Variants in SASS6 observed in about 807,000 individuals in gnomAD.
SASS6 encodes the protein spindle assembly abnormal protein 6 homolog.
In SASS6, 59 loss-of-function variants were observed where a neutral mutation model predicts 94.9. The ratio of observed to expected loss-of-function variants is 0.62; its 90% CI spans 0.50 to 0.77. The LOEUF (loss-of-function observed/expected upper bound fraction) is 0.77. Ranked by LOEUF, SASS6 falls within the 30% of genes least tolerant of loss-of-function variation. The pLI is 0.00. For missense variants in SASS6, 698 were observed against 734.1 expected, an observed-to-expected ratio of 0.95 and a Z score of 0.57; for synonymous variants, 264 against 270.0, an observed-to-expected ratio of 0.98 and a Z score of 0.22.
intron 7 of SASS6, among the ~76,000 whole-genome samples, chr1:100,112,673 T>G: frequency 6.6e-6 from 1 of 152,194 alleles, no homozygotes; most frequent in East Asian, 1.9e-4. Context: ...TCAGTAATAA[T>G]AGAAGGCAGT....
intron 11 of SASS6, 43 bp from the exon 12 acceptor site, chr1:100,107,036 G>A (rs1570695694): frequency 1.2e-6 from 1 of 834,846 alleles, no homozygotes. Flanking sequence ...CAAAATAAAG[G>A]TTAAATAAAA....
chr1:100,128,541 A>G (rs901839535), intron 1 of SASS6, among the ~76,000 whole-genome samples: 1 of 152,240 alleles, frequency 6.6e-6, no homozygotes, highest in African/African-American at 2.4e-5. Context: ...AAGGCCTGTA[A>G]GTTAAACGAA....
intron 7 of SASS6, among the ~76,000 whole-genome samples, chr1:100,114,016 A>C (rs1394605305): frequency 1.3e-5 from 2 of 151,998 alleles, no homozygotes; most frequent in Non-Finnish European, 2.9e-5. Context: ...AAAAATAATA[A>C]ATTTTAAAAA....
intron 7 of SASS6, among the ~76,000 whole-genome samples, chr1:100,111,084 T>C (rs1451385610): frequency 6.6e-6 from 1 of 152,008 alleles, no homozygotes; most frequent in Non-Finnish European, 1.5e-5. Context: ...TAACTTTTGT[T>C]AACGAACACT....
intron 5 of SASS6, among the ~76,000 whole-genome samples, chr1:100,121,049 C>CA (rs781458509): frequency 0.075 from 3,520 of 47,236 alleles, 86 homozygotes; most frequent in Non-Finnish European, 0.089. Context: ...GACTCCGTCT[C>CA]AAAAAAAAAA....
At position 100,085,447 on chromosome 1, in the gene SASS6, A is replaced by C. The variant is rs1442288226; in HGVS notation, c.1868-13T>G. 5 of 1,592,826 alleles carry C rather than the reference A, an allele frequency of 3.1e-6. No homozygotes were observed. In the Admixed American group the frequency reaches 6.7e-5, roughly 21 times the overall value. The stretch of plus-strand genomic sequence containing the variant: ...TCTCTCTGATGGTCTGCAAATGAGG[A>C]CAAAAAAAGGTTACTGGTATTCATT... On this transcript the variant is annotated splice_polypyrimidine_tract_variant and intron_variant, in intron 16 of 16. Coordinates refer to ENST00000287482, the MANE Select transcript of SASS6 (RefSeq NM_194292.3).
At position 100,110,492 on chromosome 1, in the gene SASS6, C is replaced by A; in HGVS notation, c.670-9G>T. The A allele has an allele frequency of 1.3e-6, 2 of 1,487,054 alleles. No individual in the cohort carries two copies. The highest frequency in any genetic ancestry group is 2.1e-5 in the Admixed American group (1 of 46,634). The allele number at this position is 1,487,054 out of a possible 1,614,324, so 92.1% of individuals were successfully genotyped here. A position where few individuals can be genotyped will look rare whatever the true frequency, so the allele number is the denominator to read the frequency against. Reference sequence around the variant, plus strand: ...TGATATTGAACCTGTGCCTATGATACAATAAAAATACAGTACCAAAATTCA... The same window carrying A: ...TGATATTGAACCTGTGCCTATGATAAAATAAAAATACAGTACCAAAATTCA... On this transcript the variant is annotated splice_polypyrimidine_tract_variant and intron_variant, in intron 7 of 16. Coordinates refer to ENST00000287482, the MANE Select transcript of SASS6 (RefSeq NM_194292.3).
At chr1:100,086,029 T>C (rs961772248) in intron 15 of SASS6, among the ~76,000 whole-genome samples, 2 of 151,514 alleles carry the variant, frequency 1.3e-5, no homozygotes, top group Admixed American at 1.3e-4. Flanking sequence ...CGAAATTTTC[T>C]AGTGCTTCAA....
intron 7 of SASS6, among the ~76,000 whole-genome samples, chr1:100,113,735 C>T (rs568661199): frequency 9.8e-4 from 148 of 151,374 alleles, no homozygotes; most frequent in Non-Finnish European, 1.6e-3. Context: ...ACTAGTTCTT[C>T]GAAAACACTA....
rs1654591252 is a variant in SASS6 at position 100,125,994 on chromosome 1, A to G, written c.66-52T>C. The G allele has an allele frequency of 5.6e-6, 5 of 893,714 alleles. No homozygotes were observed. In the East Asian group the frequency reaches 1.1e-4, roughly 19 times the overall value. The allele number at this position is 893,714 out of a possible 1,614,324, so 55.4% of individuals were successfully genotyped here. ...CAGAAACATTCACACGAAATGAGTT[A>G]TCACTATCATTTGTATTAAGTTTTC... On this transcript the variant is annotated intron_variant, in intron 1 of 16. Transcript: ENST00000287482.
At chr1:100,122,118 TATC>T (rs1654239761) in intron 4 of SASS6, among the ~76,000 whole-genome samples, 1 of 152,212 alleles carries the variant, frequency 6.6e-6, no homozygotes, top group African/African-American at 2.4e-5. Flanking sequence ...CTTTTTCCAA[TATC>T]ATTATAAAAC....
chr1:100,119,926 C>T (rs1411761539), intron 6 of SASS6, among the ~76,000 whole-genome samples: 1 of 152,170 alleles, frequency 6.6e-6, no homozygotes, highest in African/African-American at 2.4e-5. Flanking sequence ...CAAGAACAAG[C>T]TAAAACAGAT....
At chr1:100,127,309 C>T (rs1024420215) in intron 1 of SASS6, among the ~76,000 whole-genome samples, 1 of 152,156 alleles carries the variant, frequency 6.6e-6, no homozygotes, top group African/African-American at 2.4e-5. Flanking sequence ...AAACCTTTTC[C>T]ACACTATTGC....
intron 1 of SASS6, among the ~76,000 whole-genome samples, chr1:100,132,485 C>T (rs1655137689): frequency 1.3e-5 from 2 of 152,124 alleles, no homozygotes; most frequent in African/African-American, 4.8e-5. Context: ...ATAATCTTCA[C>T]GATTCCGTGC....
intron 14 of SASS6, among the ~76,000 whole-genome samples, chr1:100,089,618 A>G (rs1255694081): frequency 6.6e-6 from 1 of 152,094 alleles, no homozygotes; most frequent in African/African-American, 2.4e-5. Context: ...TACAGATAGG[A>G]AAAAAACTTG....
chr1:100,103,027 T>C lies in SASS6; in HGVS notation c.1602A>G (p.Ala534=). Residue 534 remains alanine, a synonymous_variant, in exon 14 of 17, where the codon GCA becomes GCG. Transcript: ENST00000287482. ...GAGGGAAGGTATTCTGGAATGCAAA[T>C]GCAGAGGAGACAGGATAACCAATCC... The part of the protein sequence containing the change: ...TCGIGYPVSS[A]FAFQNTFPHS... 2 of 1,608,784 alleles carry C rather than the reference T, an allele frequency of 1.2e-6. No individual in the cohort carries two copies. The highest frequency in any genetic ancestry group is 1.7e-6 in the Non-Finnish European group (2 of 1,175,188).
chr1:100,120,472 A>T lies in SASS6; in HGVS notation c.484-13T>A, dbSNP rs1352718393. On this transcript the variant is annotated splice_polypyrimidine_tract_variant and intron_variant, in intron 5 of 16. Transcript: ENST00000287482. ...ATAATTTTTCTTCCTATTCATAAAA[A>T]TAATAAAATTACACAGTTTACAATG... 8.5e-7 allele frequency: 1 copy of T among 1,180,162 alleles called. No homozygotes were observed. The highest frequency in any genetic ancestry group is 1.3e-6 in the Non-Finnish European group (1 of 785,932). The allele number at this position is 1,180,162 out of a possible 1,614,324, so 73.1% of individuals were successfully genotyped here. A position where few individuals can be genotyped will look rare whatever the true frequency, so the allele number is the denominator to read the frequency against.
intron 4 of SASS6, among the ~76,000 whole-genome samples, chr1:100,122,168 T>C (rs917887542): frequency 4.6e-5 from 7 of 152,246 alleles, no homozygotes; most frequent in Non-Finnish European, 1.0e-4. Flanking sequence ...CGGATGACTT[T>C]AGTGCCTTTG....
chr1:100,090,321 C>G (rs1651582744), intron 14 of SASS6, among the ~76,000 whole-genome samples: 1 of 151,960 alleles, frequency 6.6e-6, no homozygotes, highest in Admixed American at 6.5e-5. Context: ...TTTAAAGACA[C>G]AGGCTGGAAA....
Sources: allele counts gnomAD v4.1 joint callset (sites outside exome capture counted in the v4.1 genomes callset), GRCh38; gene constraint gnomAD v4.1.1; transcripts MANE v1.5; gene names NCBI Gene and HGNC (gene_info 2026-07-23, HGNC 2026-07-21).